Variants in ANKRD28 observed in about 807,000 individuals in gnomAD.
The protein encoded by ANKRD28 is serine/threonine-protein phosphatase 6 regulatory ankyrin repeat subunit A.
A neutral mutation model predicts 126.5 loss-of-function variants in ANKRD28; 44 were observed. The observed-to-expected ratio is 0.35, with a 90% CI of 0.27 to 0.45. The LOEUF (loss-of-function observed/expected upper bound fraction) is 0.45, where lower values mean the gene tolerates loss of function less well. Among genes scored for constraint, ANKRD28 ranks in the 20% least tolerant of loss-of-function variants. The pLI is 1.00. For synonymous variants in ANKRD28, 442 were observed against 468.5 expected (o/e 0.94, Z 0.73); for missense variants, 1,110 against 1,316.6 (o/e 0.84, Z 2.43).
chr3:15,700,764 C>A (rs1232726705), intron 14 of ANKRD28, among the ~76,000 whole-genome samples: 1 of 152,052 alleles, frequency 6.6e-6, no homozygotes, highest in Non-Finnish European at 1.5e-5. Context: ...CAGAGTGAGA[C>A]TGCAAAAGAA....
intron 2 of ANKRD28, among the ~76,000 whole-genome samples, chr3:15,792,379 C>T (rs982509307): frequency 2.6e-5 from 4 of 151,996 alleles, no homozygotes; most frequent in East Asian, 1.9e-4. Context: ...ATGGAGTACT[C>T]GTCAGCCATA....
At position 15,674,196 on chromosome 3, in the gene ANKRD28, A is replaced by G. The variant is rs201508682; in HGVS notation, c.2965+1702T>C. 9.6e-4 allele frequency among the ~76,000 whole-genome samples: 125 copies of G among 130,138 alleles called. No homozygotes were observed. The East Asian group carries it at 0.013, about 14-fold the overall frequency. 85.4% of individuals were successfully genotyped at this position (130,138 alleles called of 152,430 possible). On this transcript the variant is annotated intron_variant, in intron 27 of 27. Coordinates refer to ENST00000683139, the MANE Select transcript of ANKRD28 (RefSeq NM_001349278.2). ...CTTCAAAAAAAAAAAAAAAAAAAAA[A>G]AAGAAGAAGAACCGAAATTCAAGAG...
chr3:15,841,769 G>A (rs1023475332), intron 1 of ANKRD28, among the ~76,000 whole-genome samples: 1 of 152,216 alleles, frequency 6.6e-6, no homozygotes, highest in Middle Eastern at 3.4e-3. Context: ...CCAAAAGTCA[G>A]ACAATAACAA....
Position 15,830,581 on chromosome 3 carries a change from C to T in ANKRD28, c.27+28796G>A. The stretch of plus-strand genomic sequence containing the variant: ...CATCTCAAAACCATCCCACCCCCCA[C>T]CGCACCCCCATCCACGGAAAAATTG... On this transcript the variant is annotated intron_variant, in intron 1 of 27. Transcript: ENST00000399451. The surrounding 1 kb of genome is among the most constrained non-coding windows in gnomAD (Gnocchi z 4.5). 6.6e-6 allele frequency among the ~76,000 whole-genome samples: 1 copy of T among 151,966 alleles called. No homozygotes were observed. Among genetic ancestry groups the T allele is most frequent in the Non-Finnish European group, 1.5e-5 (1 of 67,994 alleles).
chr3:15,696,038 A>G (rs2069500747), intron 15 of ANKRD28, 96 bp downstream of exon 15: 3 of 858,638 alleles, frequency 3.5e-6, no homozygotes, highest in African/African-American at 3.4e-5. Flanking sequence ...AAAAAACAAA[A>G]TGGAATTTGT....
chr3:15,784,068 T>C (rs1285494719), intron 2 of ANKRD28, among the ~76,000 whole-genome samples: 1 of 151,928 alleles, frequency 6.6e-6, no homozygotes, highest in East Asian at 1.9e-4. Context: ...CCTAGAATTC[T>C]GGTACCCTGG....
chr3:15,716,896 A>G lies in ANKRD28; in HGVS notation c.997-2240T>C, dbSNP rs994801779. 3.3e-5 allele frequency among the ~76,000 whole-genome samples: 5 copies of G among 152,146 alleles called. No homozygotes were observed. In the East Asian group the frequency reaches 7.7e-4, roughly 23 times the overall value. ...AGGACTGCTTGAACTCAGGAGTTTG[A>G]GGCTGAAGTGAGCTATGATGGTGCC... On this transcript the variant is annotated intron_variant, in intron 8 of 27. Coordinates refer to ENST00000683139, the MANE Select transcript of ANKRD28 (RefSeq NM_001349278.2).
At chr3:15,834,613 T>G (rs2061282115) in intron 1 of ANKRD28, among the ~76,000 whole-genome samples, 1 of 152,158 alleles carries the variant, frequency 6.6e-6, no homozygotes, top group Admixed American at 6.6e-5. Flanking sequence ...AAGGATTGTT[T>G]ACAACAGAAT....
At chr3:15,714,512 G>C in intron 9 of ANKRD28, 66 bp downstream of exon 9, 1 of 1,104,044 alleles carries the variant, frequency 9.1e-7, no homozygotes, top group Non-Finnish European at 1.2e-6. Flanking sequence ...TCATTTGGTG[G>C]ATGTTTTTAC....
chr3:15,788,363 TTCTC>T (rs1192399087), intron 2 of ANKRD28, among the ~76,000 whole-genome samples: 1 of 152,144 alleles, frequency 6.6e-6, no homozygotes, highest in Middle Eastern at 3.2e-3. Context: ...GAAAAAATAT[TTCTC>T]TCTCAACAAT....
At chr3:15,734,987 A>C (rs1358869776) in intron 6 of ANKRD28, among the ~76,000 whole-genome samples, 1 of 152,196 alleles carries the variant, frequency 6.6e-6, no homozygotes, top group African/African-American at 2.4e-5. Flanking sequence ...GTTTCTTTCT[A>C]TAAATTTACT....
At chr3:15,710,832 T>TG (rs2072171102) in intron 12 of ANKRD28, among the ~76,000 whole-genome samples, 1 of 151,968 alleles carries the variant, frequency 6.6e-6, no homozygotes, top group South Asian at 2.1e-4. Flanking sequence ...ATTTTTTTCC[T>TG]GGGGGAAAAA....
intron 1 of ANKRD28, among the ~76,000 whole-genome samples, chr3:15,825,579 C>T (rs971973147): frequency 2.0e-5 from 3 of 151,896 alleles, no homozygotes; most frequent in East Asian, 1.9e-4. Flanking sequence ...TTTTTTAAGA[C>T]CTTGTTTCTT....
chr3:15,689,731 C>T (rs1210154154), intron 18 of ANKRD28: 1 of 263,072 alleles, frequency 3.8e-6, no homozygotes, highest in East Asian at 7.4e-5. Context: ...TACATGTAAA[C>T]AACTTTATAT....
chr3:15,709,652 C>A lies in ANKRD28; in HGVS notation c.1406+16G>T. On this transcript the variant is annotated intron_variant, in intron 13 of 27. Coordinates refer to ENST00000683139, the MANE Select transcript of ANKRD28 (RefSeq NM_001349278.2). ...AGTAAAAATAGGCTCCATAAAGAAACTGTATCATACCCTACCTCCCAAATT... is the reference window on the plus strand; with the variant it reads ...AGTAAAAATAGGCTCCATAAAGAAAATGTATCATACCCTACCTCCCAAATT... 1.3e-6 allele frequency: 2 copies of A among 1,548,358 alleles called. No homozygotes were observed. The highest frequency in any genetic ancestry group is 2.3e-5 in the East Asian group (1 of 42,910).
intron 2 of ANKRD28, chr3:15,781,345 C>T (rs1183838944): frequency 6.6e-6 from 1 of 151,510 alleles, no homozygotes; most frequent in Non-Finnish European, 1.5e-5. Flanking sequence ...AGTCAGTGGA[C>T]TGAGTGGGGA....
intron 4 of ANKRD28, among the ~76,000 whole-genome samples, chr3:15,748,251 C>T (rs2057615087): frequency 2.6e-5 from 4 of 152,044 alleles, no homozygotes; most frequent in Admixed American, 2.6e-4. Flanking sequence ...TGCCTGAATA[C>T]CTTTTTTTAA....
In ANKRD28 at chr3:15,697,674, C is replaced by T. The variant is rs563967724; in HGVS notation, c.1548-1429G>A. ...TTGCCAGTATTTTATTGAGGATTTT[C>T]GCATTGATGTTCATCAGGGATATTG... is the stretch of plus-strand genomic sequence containing the variant. On this transcript the variant is annotated intron_variant, in intron 14 of 27. Transcript: ENST00000683139. Among the ~76,000 whole-genome samples, 314 of 152,100 alleles carry T rather than the reference C, an allele frequency of 2.1e-3. 2 individuals carry two copies. Among genetic ancestry groups the T allele is most frequent in the Middle Eastern group, 0.01 (3 of 294 alleles).
Position 15,682,584 on chromosome 3 carries a change from C to T in ANKRD28, c.2389+2642G>A, listed in dbSNP as rs564998071. The stretch of plus-strand genomic sequence containing the variant: ...ATTCTTAAGTTCTGTGATTGAATGA[C>T]TATATAAACTGAAATTGTGAACTTT... On this transcript the variant is annotated intron_variant, in intron 21 of 27. Transcript: ENST00000683139. 2.0e-4 allele frequency among the ~76,000 whole-genome samples: 31 copies of T among 152,278 alleles called. No homozygotes were observed. In the South Asian group the frequency reaches 6.0e-3, roughly 30 times the overall value.
Sources: allele counts gnomAD v4.1 joint callset (sites outside exome capture counted in the v4.1 genomes callset), GRCh38; gene constraint gnomAD v4.1.1; non-coding constraint Gnocchi (gnomAD v3.1); transcripts MANE v1.5; gene names NCBI Gene and HGNC (gene_info 2026-07-23, HGNC 2026-07-21).